The following NCKAP5 variants were observed in gnomAD, a reference collection of about 807,000 sequenced individuals.
NCKAP5 encodes nck-associated protein 5.
NCKAP5 carries 92 observed loss-of-function variants against 167.0 expected under a neutral mutation model. That is an observed-to-expected ratio of 0.55 (90% CI 0.47 to 0.66). NCKAP5 has a LOEUF of 0.66. Ranked by LOEUF, NCKAP5 falls within the 30% of genes least tolerant of loss-of-function variation. The pLI is 0.00. For synonymous variants in NCKAP5, 891 were observed against 877.4 expected, an observed-to-expected ratio of 1.02 and a Z score of -0.27; for missense variants, 2,378 against 2,315.0, an observed-to-expected ratio of 1.03 and a Z score of -0.56.
At chr2:132,887,811 T>C (rs1189022405) in intron 8 of NCKAP5, among the ~76,000 whole-genome samples, 1 of 152,162 alleles carries the variant, frequency 6.6e-6, no homozygotes, top group East Asian at 1.9e-4. Context: ...CATACTCCAC[T>C]AATTTTTAAA....
intron 7 of NCKAP5, among the ~76,000 whole-genome samples, chr2:132,979,458 C>T (rs554372620): frequency 1.3e-5 from 2 of 152,202 alleles, no homozygotes; most frequent in South Asian, 4.2e-4. Flanking sequence ...GACCTTGCTG[C>T]CCCATGCCTA....
chr2:132,780,595 T>C (rs553391675), intron 15 of NCKAP5, among the ~76,000 whole-genome samples: 1 of 152,368 alleles, frequency 6.6e-6, no homozygotes, highest in Admixed American at 6.5e-5. Context: ...ACAACTTTCA[T>C]AAAACATGAA....
chr2:133,140,417 A>G (rs2082953288), intron 5 of NCKAP5, among the ~76,000 whole-genome samples: 1 of 152,166 alleles, frequency 6.6e-6, no homozygotes, highest in Admixed American at 6.5e-5. Context: ...TCGGTGAACA[A>G]CAAGTGAATT....
the NCKAP5 span, among the ~76,000 whole-genome samples, chr2:133,637,711 C>A: frequency 6.6e-6 from 1 of 151,634 alleles, no homozygotes; most frequent in Non-Finnish European, 1.5e-5. Context: ...GCAAATAGAA[C>A]CAATGACATG....
the NCKAP5 span, among the ~76,000 whole-genome samples, chr2:133,623,697 G>T: frequency 6.6e-6 from 1 of 151,952 alleles, no homozygotes; most frequent in Non-Finnish European, 1.5e-5. Context: ...CACTGTTGGT[G>T]GTAATGTAAA....
intron 8 of NCKAP5, among the ~76,000 whole-genome samples, chr2:132,939,404 G>A (rs1356017697): frequency 2.0e-5 from 3 of 152,144 alleles, no homozygotes; most frequent in African/African-American, 7.2e-5. Context: ...ATAATACGAT[G>A]GGTAGGGTGG....
At chr2:133,339,091 A>G (rs1683408908) in intron 3 of NCKAP5, among the ~76,000 whole-genome samples, 1 of 152,204 alleles carries the variant, frequency 6.6e-6, no homozygotes, top group African/African-American at 2.4e-5. Context: ...ATAATCAGTT[A>G]TGTGCAGGGA....
intron 3 of NCKAP5, among the ~76,000 whole-genome samples, chr2:133,493,165 C>T (rs565223209): frequency 2.0e-4 from 31 of 152,238 alleles, no homozygotes; most frequent in South Asian, 6.2e-4. Flanking sequence ...ACTCGCTCAG[C>T]GACTTTATGC....
At chr2:133,085,425 C>A (rs1252484598) in intron 6 of NCKAP5, among the ~76,000 whole-genome samples, 1 of 152,052 alleles carries the variant, frequency 6.6e-6, no homozygotes, top group Non-Finnish European at 1.5e-5. Flanking sequence ...AACAGTGAAA[C>A]AGATACATAA....
the NCKAP5 span, among the ~76,000 whole-genome samples, chr2:133,660,062 A>G: frequency 6.6e-6 from 1 of 152,176 alleles, no homozygotes; most frequent in South Asian, 2.1e-4. Flanking sequence ...AATTGGACTA[A>G]CACATGCTTT....
the NCKAP5 span, among the ~76,000 whole-genome samples, chr2:133,647,674 G>A: frequency 7.8e-6 from 1 of 128,228 alleles, no homozygotes; most frequent in Non-Finnish European, 1.6e-5. Flanking sequence ...AGAGAGGAAA[G>A]AAAGGAAGGA....
chr2:133,430,483 T>C (rs1445378898), intron 3 of NCKAP5, among the ~76,000 whole-genome samples: 1 of 152,190 alleles, frequency 6.6e-6, no homozygotes, highest in Non-Finnish European at 1.5e-5. Flanking sequence ...CTAGGTTTTC[T>C]TCTGGCATTT....
At chr2:133,242,119 C>CAAAAAAAAAAAAAAAAAAAAAAACAAA in intron 4 of NCKAP5, among the ~76,000 whole-genome samples, 1 of 48,280 alleles carries the variant, frequency 2.1e-5, no homozygotes, top group Non-Finnish European at 4.5e-5. Context: ...AACTCTGTCT[C>CAAAAAAAAAAAAAAAAAAAAAAACAAA]AAAAAAAAAA....
the NCKAP5 span, among the ~76,000 whole-genome samples, chr2:133,595,629 G>C: frequency 6.6e-6 from 1 of 151,830 alleles, no homozygotes; most frequent in African/African-American, 2.4e-5. Context: ...ACCCTGGGAG[G>C]GTTTCAAGCA....
At chr2:133,048,024 G>A (rs576832886) in intron 6 of NCKAP5, among the ~76,000 whole-genome samples, 2 of 152,294 alleles carry the variant, frequency 1.3e-5, no homozygotes, top group African/African-American at 4.8e-5. Context: ...TTAGAATCCC[G>A]AAAGATTCAG....
intron 5 of NCKAP5, among the ~76,000 whole-genome samples, chr2:133,200,104 A>T (rs1268606220): frequency 7.2e-6 from 1 of 138,286 alleles, no homozygotes; most frequent in Non-Finnish European, 1.5e-5. Flanking sequence ...GCTGATGCTA[A>T]AATTGATATG....
chr2:133,643,910 C>T, the NCKAP5 span, among the ~76,000 whole-genome samples: 1 of 152,176 alleles, frequency 6.6e-6, no homozygotes, highest in African/African-American at 2.4e-5. Flanking sequence ...AATTCCCCCG[C>T]CCTGCCTGAA....
chr2:132,909,868 C>A (rs1198914781), intron 8 of NCKAP5, among the ~76,000 whole-genome samples: 1 of 152,174 alleles, frequency 6.6e-6, no homozygotes, highest in Admixed American at 6.5e-5. Context: ...ATATGAGTAG[C>A]AAGCTCTTAA....
In NCKAP5 at chr2:133,077,108, A is replaced by C. The variant is rs549044951; in HGVS notation, c.341+52870T>G. 2.0e-5 allele frequency among the ~76,000 whole-genome samples: 3 copies of C among 152,326 alleles called. No individual in the cohort carries two copies. The East Asian group carries it at 5.8e-4, about 29-fold the overall frequency. On this transcript the variant is annotated intron_variant, in intron 6 of 19. Coordinates refer to ENST00000409261, the MANE Select transcript of NCKAP5 (RefSeq NM_207363.3). ...AAGCAATTCAAGTCAGGGGAATTCA[A>C]CATGAAAAAAAATAGACAGCAATGA...
Sources: gnomAD v4.1 joint callset for allele counts (sites outside exome capture counted in the v4.1 genomes callset) on GRCh38, gnomAD v4.1.1 for gene constraint, MANE v1.5 for transcripts, NCBI Gene and HGNC (gene_info 2026-07-23, HGNC 2026-07-21) for gene names.